Variants in BTBD1 observed in about 807,000 individuals in gnomAD.
The protein encoded by BTBD1 is BTB domain containing 1.
In BTBD1, 34 loss-of-function variants were observed where a neutral mutation model predicts 48.0. That is an observed-to-expected ratio of 0.71 (90% CI 0.54 to 0.94). The LOEUF (loss-of-function observed/expected upper bound fraction) is 0.94. BTBD1 is among the 40% of genes least tolerant of loss of function. BTBD1 has a pLI of 0.00. For missense variants in BTBD1, 543 were observed against 625.6 expected, an observed-to-expected ratio of 0.87 and a Z score of 1.41; for synonymous variants, 261 against 242.1, an observed-to-expected ratio of 1.08 and a Z score of -0.72.
chr15:83,021,742 A>AAATAAT (rs57670003), intron 5 of BTBD1, among the ~76,000 whole-genome samples: 1,596 of 145,394 alleles, frequency 0.011, 15 homozygotes, highest in African/African-American at 0.02. Flanking sequence ...ACTCCTTCTC[A>AAATAAT]AATAATAATA....
At chr15:83,042,374 A>ATATATATG (rs1555440271) in intron 3 of BTBD1, among the ~76,000 whole-genome samples, 1 of 121,976 alleles carries the variant, frequency 8.2e-6, no homozygotes, top group African/African-American at 3.2e-5. Context: ...ATATATATAT[A>ATATATATG]TATGTATGTA....
At chr15:83,051,800 C>A (rs1336314006) in intron 2 of BTBD1, among the ~76,000 whole-genome samples, 15 of 149,494 alleles carry the variant, frequency 1.0e-4, no homozygotes, top group African/African-American at 3.7e-4. Flanking sequence ...CAATGAAAAC[C>A]CATATACCCT....
intron 3 of BTBD1, among the ~76,000 whole-genome samples, chr15:83,042,661 G>C (rs2032790635): frequency 1.3e-5 from 2 of 152,078 alleles, no homozygotes; most frequent in South Asian, 4.1e-4. Context: ...TGGGATTACA[G>C]GCGTGAGCCA....
At chr15:83,019,211 G>A (rs563146012) in intron 6 of BTBD1, among the ~76,000 whole-genome samples, 5 of 151,774 alleles carry the variant, frequency 3.3e-5, no homozygotes, top group East Asian at 3.9e-4. Context: ...AGATGTGCGC[G>A]ACCACACCTG....
chr15:83,018,155 G>C lies in BTBD1; in HGVS notation c.1361C>G (p.Thr454Ser). Residue 454 changes from threonine to serine, a missense_variant, in exon 8 of 8, where the codon ACT (threonine) becomes AGT (serine). Physicochemically the swap from Thr to Ser is moderately conservative, Grantham distance 58. Coordinates refer to ENST00000261721, the MANE Select transcript of BTBD1 (RefSeq NM_025238.4). The stretch of plus-strand genomic sequence containing the variant: ...AGGGGAACTAAAAAAGAAAAAAACA[G>C]TCTTGCTTGCAGCAGGTGTCTCATG... ...VVHETPAASK[T>S]VFFFFSSPGN... 1 of 1,612,742 alleles carries C rather than the reference G, an allele frequency of 6.2e-7. No homozygotes were observed. Among genetic ancestry groups the C allele is most frequent in the Non-Finnish European group, 8.5e-7 (1 of 1,179,382 alleles).
Position 83,020,710 on chromosome 15 carries a change from T to C in BTBD1, c.1108A>G (p.Ile370Val), listed in dbSNP as rs766285602. The C allele has an allele frequency of 6.2e-7, 1 of 1,607,578 alleles. No homozygotes were observed. The highest frequency in any genetic ancestry group is 8.5e-7 in the Non-Finnish European group (1 of 1,174,458). The stretch of plus-strand genomic sequence containing the variant: ...ACTTGATAATCTGTAGGGCCATGAA[T>C]AGATCCATACAAGCCAAATCCAACT... ...SIVGFGLYGS[I>V]HGPTDYQVNI... The change falls in exon 6 of 8, where the codon ATT (isoleucine) becomes GTT (valine). Residue 370 changes from isoleucine to valine, a missense_variant. Ile to Val is a conservative substitution (Grantham distance 29). This residue lies in a region of BTBD1 where 300 missense variants were observed against 350.0 expected (regional missense o/e 0.86). Transcript: ENST00000261721.
At chr15:83,031,989 T>C (rs1276592946) in intron 4 of BTBD1, among the ~76,000 whole-genome samples, 2 of 152,174 alleles carry the variant, frequency 1.3e-5, no homozygotes, top group Admixed American at 1.3e-4. Context: ...GAATGTAAAC[T>C]AGTACAACCA....
intron 2 of BTBD1, among the ~76,000 whole-genome samples, chr15:83,054,201 G>T (rs995620903): frequency 2.0e-5 from 3 of 152,038 alleles, no homozygotes; most frequent in Non-Finnish European, 4.4e-5. Context: ...AGCCAGGCGT[G>T]GTGGTACGCA....
In BTBD1 at chr15:83,018,873, A is replaced by C; in HGVS notation, c.1144-20T>G. 1 of 1,605,838 alleles carries C rather than the reference A, an allele frequency of 6.2e-7. No homozygotes were observed. Among genetic ancestry groups the C allele is most frequent in the Non-Finnish European group, 8.5e-7 (1 of 1,173,866 alleles). The stretch of plus-strand genomic sequence containing the variant: ...AATGATCTGTAATTTTTAAGAGACA[A>C]GTTACATTTAAGTTAAACCAAATAA... On this transcript the variant is annotated intron_variant, in intron 6 of 7. Transcript: ENST00000261721.
At position 83,056,481 on chromosome 15, in the gene BTBD1, T is replaced by C; in HGVS notation, c.466A>G (p.Lys156Glu). ...TCCAAGGCTGGGACTGCGTATTTCT[T>C]GGCAGTATAAAGAGTGGTCATAACT... is the stretch of plus-strand genomic sequence containing the variant. ...ETVMTTLYTA[K>E]KYAVPALEAH... The change falls in exon 2 of 8, where the codon AAG becomes GAG. Residue 156 changes from lysine to glutamate, a missense_variant. Lys to Glu is a moderately conservative substitution (Grantham distance 56). Around this residue, in one of 3 missense-constraint regions of BTBD1, gnomAD observed 70 missense variants for 111.7 expected, o/e 0.63. Coordinates refer to ENST00000261721, the MANE Select transcript of BTBD1 (RefSeq NM_025238.4). 6.2e-7 allele frequency: 1 copy of C among 1,613,008 alleles called. No individual in the cohort carries two copies. Among genetic ancestry groups the C allele is most frequent in the Non-Finnish European group, 8.5e-7 (1 of 1,178,958 alleles).
chr15:83,036,495 A>G (rs1469772946), intron 4 of BTBD1, among the ~76,000 whole-genome samples: 1 of 152,200 alleles, frequency 6.6e-6, no homozygotes, highest in Non-Finnish European at 1.5e-5. Flanking sequence ...TGTTACAACC[A>G]CTTTAAGGGA....
At chr15:83,053,319 T>C (rs192912205) in intron 2 of BTBD1, among the ~76,000 whole-genome samples, 1 of 152,270 alleles carries the variant, frequency 6.6e-6, no homozygotes, top group East Asian at 1.9e-4. Context: ...AAGTTTCACA[T>C]GACAATTTAT....
chr15:83,035,624 A>G (rs1271734653), intron 4 of BTBD1, among the ~76,000 whole-genome samples: 1 of 152,126 alleles, frequency 6.6e-6, no homozygotes, highest in Non-Finnish European at 1.5e-5. Context: ...CAAAAAGAAT[A>G]TAGGTTGACC....
intron 4 of BTBD1, among the ~76,000 whole-genome samples, chr15:83,034,874 C>T (rs2032594449): frequency 6.6e-6 from 1 of 152,102 alleles, no homozygotes; most frequent in Admixed American, 6.5e-5. Context: ...ATTTGAAGAT[C>T]ATTAGTATAT....
At chr15:83,043,869 C>T (rs998084672) in intron 3 of BTBD1, among the ~76,000 whole-genome samples, 3 of 152,114 alleles carry the variant, frequency 2.0e-5, no homozygotes, top group Non-Finnish European at 4.4e-5. Flanking sequence ...CAAGTATAAA[C>T]GTCATGCCTG....
At chr15:83,034,091 A>G (rs2032578618) in intron 4 of BTBD1, among the ~76,000 whole-genome samples, 1 of 109,476 alleles carries the variant, frequency 9.1e-6, no homozygotes, top group African/African-American at 3.6e-5. Flanking sequence ...TGTCTACACC[A>G]AAAAAAAAAA....
chr15:83,056,147 T>C (rs1478399861), intron 2 of BTBD1, among the ~76,000 whole-genome samples: 1 of 152,118 alleles, frequency 6.6e-6, no homozygotes, highest in African/African-American at 2.4e-5. Context: ...TCAAGTGATC[T>C]ACCCGCTTCA....
intron 3 of BTBD1, among the ~76,000 whole-genome samples, 168 bp downstream of exon 3, chr15:83,049,905 A>T (rs1452524381): frequency 6.6e-6 from 1 of 152,250 alleles, no homozygotes; most frequent in East Asian, 1.9e-4. Context: ...GAGCTAGTTA[A>T]GACTTTTAGA....
chr15:83,018,673 G>C (rs763976259), intron 7 of BTBD1, 34 bp downstream of exon 7: 1 of 1,604,596 alleles, frequency 6.2e-7, no homozygotes, highest in South Asian at 1.1e-5. Context: ...ACATTCAAGA[G>C]GAAACCATCT....
Sources: gnomAD v4.1 joint callset for allele counts (sites outside exome capture counted in the v4.1 genomes callset) on GRCh38, gnomAD v4.1.1 for gene constraint, gnomAD v4.1.1 regional missense constraint, MANE v1.5 for transcripts, NCBI Gene and HGNC (gene_info 2026-07-23, HGNC 2026-07-21) for gene names.